Variants in LRP12 observed in about 807,000 individuals in gnomAD.
LRP12 encodes the protein LDL receptor related protein 12.
Under a neutral mutation model 66.0 loss-of-function variants are expected in LRP12, and 14 were observed. The observed-to-expected ratio is 0.21, with a 90% CI of 0.14 to 0.33. The LOEUF (loss-of-function observed/expected upper bound fraction) is 0.33, where lower values mean the gene tolerates loss of function less well. Among genes scored for constraint, LRP12 ranks in the 10% least tolerant of loss-of-function variants. The pLI is 1.00. For synonymous variants in LRP12, 357 were observed against 359.1 expected, an observed-to-expected ratio of 0.99 and a Z score of 0.07; for missense variants, 889 against 1,053.4, an observed-to-expected ratio of 0.84 and a Z score of 2.16.
In LRP12 at chr8:104,489,490, AT is replaced by A. The variant is rs1327311993; in HGVS notation, c.*1182del. ...TAAACCGCAACTGACAGTAAAAAAAATATGTTGGGTTTTGCAATTCACACTA... is the reference window on the plus strand; with the variant it reads ...TAAACCGCAACTGACAGTAAAAAAAAATGTTGGGTTTTGCAATTCACACTA... On this transcript the variant is annotated 3_prime_UTR_variant, in exon 7 of 7. Transcript: ENST00000276654. 3 of 152,568 alleles carry A rather than the reference AT, an allele frequency of 2.0e-5. No homozygotes were observed. The highest frequency in any genetic ancestry group is 4.4e-5 in the Non-Finnish European group (3 of 67,996). 9.5% of individuals were successfully genotyped at this position (152,568 alleles called of 1,614,324 possible).
chr8:104,549,425 C>CA (rs1811692454), intron 1 of LRP12, among the ~76,000 whole-genome samples: 1 of 106,020 alleles, frequency 9.4e-6, no homozygotes, highest in African/African-American at 4.0e-5. Flanking sequence ...TTTTTTGAGA[C>CA]AGAGTCTTGC....
chr8:104,514,133 G>A (rs1160962165), intron 2 of LRP12, among the ~76,000 whole-genome samples: 1 of 152,068 alleles, frequency 6.6e-6, no homozygotes, highest in African/African-American at 2.4e-5. Flanking sequence ...GTCAGAAATT[G>A]AGCCTGCCTT....
In LRP12 at chr8:104,580,366, A is replaced by T. The variant is rs892156509; in HGVS notation, c.79+8453T>A. ...CCTGTCTCTACTAAAAATAAAAAAA[A>T]AAAAAAAAAAAAAATTAGCCGGGCA... On this transcript the variant is annotated intron_variant, in intron 1 of 6. Coordinates refer to ENST00000276654, the MANE Select transcript of LRP12 (RefSeq NM_013437.5). Among the ~76,000 whole-genome samples, 93 of 151,170 alleles carry T rather than the reference A, an allele frequency of 6.2e-4. 1 individual carries two copies. The East Asian group carries it at 0.015, about 25-fold the overall frequency.
intron 2 of LRP12, among the ~76,000 whole-genome samples, chr8:104,518,432 A>G (rs1416259650): frequency 6.6e-6 from 1 of 152,050 alleles, no homozygotes; most frequent in Non-Finnish European, 1.5e-5. Flanking sequence ...CTTAACCACT[A>G]AGGCAAACTG....
At chr8:104,558,601 T>C (rs921777799) in intron 1 of LRP12, among the ~76,000 whole-genome samples, 1 of 151,650 alleles carries the variant, frequency 6.6e-6, no homozygotes, top group African/African-American at 2.4e-5. Flanking sequence ...CAAAGACAAA[T>C]AGATGGGACT....
intron 1 of LRP12, among the ~76,000 whole-genome samples, chr8:104,533,155 C>T (rs1399995685): frequency 1.3e-5 from 2 of 151,948 alleles, no homozygotes; most frequent in African/African-American, 4.8e-5. Context: ...GTGGGAAGGC[C>T]ATATTAAGTA....
chr8:104,579,694 A>T (rs1588511916), intron 1 of LRP12, among the ~76,000 whole-genome samples: 1 of 152,364 alleles, frequency 6.6e-6, no homozygotes, highest in South Asian at 2.1e-4. Flanking sequence ...ACAGGTCTAC[A>T]GTAACCAAAA....
At position 104,589,106 on chromosome 8, in the gene LRP12, T is replaced by C; in HGVS notation, c.-209A>G. 5.1e-6 allele frequency: 1 copy of C among 197,728 alleles called. No individual in the cohort carries two copies. The highest frequency in any genetic ancestry group is 9.9e-6 in the Non-Finnish European group (1 of 101,008). 12.2% of individuals were successfully genotyped at this position (197,728 alleles called of 1,614,324 possible). Reference sequence around the variant, plus strand: ...TCCCTCCTCCCTCCGGCTCGCCTGCTCCCACCCCGGGCGGTGCGAGAGCCC... The same window carrying C: ...TCCCTCCTCCCTCCGGCTCGCCTGCCCCCACCCCGGGCGGTGCGAGAGCCC... On this transcript the variant is annotated 5_prime_UTR_variant, in exon 1 of 7. Transcript: ENST00000276654.
chr8:104,521,167 T>A (rs183860016), intron 2 of LRP12, among the ~76,000 whole-genome samples: 1 of 152,100 alleles, frequency 6.6e-6, no homozygotes, highest in Admixed American at 6.6e-5. Flanking sequence ...TACAGATATA[T>A]ACTTACTAGT....
intron 4 of LRP12, among the ~76,000 whole-genome samples, chr8:104,498,823 G>C (rs749662892): frequency 6.6e-6 from 1 of 152,118 alleles, no homozygotes; most frequent in Non-Finnish European, 1.5e-5. Flanking sequence ...CTTGCATTTT[G>C]ATCTAAAAGA....
intron 1 of LRP12, among the ~76,000 whole-genome samples, chr8:104,541,051 C>T (rs561528451): frequency 6.6e-6 from 1 of 152,182 alleles, no homozygotes; most frequent in South Asian, 2.1e-4. Context: ...TCTTAATGGA[C>T]CTTTGGGAGT....
intron 1 of LRP12, among the ~76,000 whole-genome samples, chr8:104,570,031 A>G (rs976173550): frequency 6.6e-6 from 1 of 152,154 alleles, no homozygotes; most frequent in Non-Finnish European, 1.5e-5. Context: ...TTTAAAAGCA[A>G]TATTATTTCC....
chr8:104,536,771 G>C (rs974238514), intron 1 of LRP12, among the ~76,000 whole-genome samples: 18 of 152,054 alleles, frequency 1.2e-4, no homozygotes, highest in Admixed American at 1.2e-3. Context: ...AAGTAAAACT[G>C]TGTCCATGTG....
chr8:104,560,634 T>C (rs1164567342), intron 1 of LRP12, among the ~76,000 whole-genome samples: 1 of 152,178 alleles, frequency 6.6e-6, no homozygotes, highest in East Asian at 1.9e-4. Context: ...CACATATCAT[T>C]TTACCTCCAT....
intron 1 of LRP12, among the ~76,000 whole-genome samples, chr8:104,570,178 ACT>A (rs1393608021): frequency 2.0e-5 from 3 of 152,166 alleles, no homozygotes; most frequent in Non-Finnish European, 2.9e-5. Flanking sequence ...GGATTAGAAA[ACT>A]CAACATAGTA....
intron 1 of LRP12, among the ~76,000 whole-genome samples, chr8:104,536,736 T>C (rs1588495998): frequency 6.6e-6 from 1 of 151,986 alleles, no homozygotes; most frequent in East Asian, 1.9e-4. Flanking sequence ...GACAGTGCGA[T>C]TAGACAAGAA....
intron 1 of LRP12, among the ~76,000 whole-genome samples, chr8:104,548,604 A>ATATAATTAAATTAATTATATAATTATTT (rs1811673950): frequency 8.8e-6 from 1 of 113,954 alleles, no homozygotes. Context: ...ATATAGAATT[A>ATATAATTAAATTAATTATATAATTATTT]TATAATTAAA....
At chr8:104,537,677 C>A (rs190666917) in intron 1 of LRP12, among the ~76,000 whole-genome samples, 23 of 152,220 alleles carry the variant, frequency 1.5e-4, no homozygotes, top group Admixed American at 4.6e-4. Context: ...TAAAATAGTA[C>A]AACCACTTTG....
At chr8:104,526,350 C>T (rs80091341) in intron 2 of LRP12, among the ~76,000 whole-genome samples, 36,557 of 151,642 alleles carry the variant, frequency 0.24, 4,476 homozygotes, top group Middle Eastern at 0.3. Context: ...TCATATGGAA[C>T]CAAAAAAGAG....
Sources: gnomAD v4.1 joint callset for allele counts (sites outside exome capture counted in the v4.1 genomes callset) on GRCh38, gnomAD v4.1.1 for gene constraint, MANE v1.5 for transcripts, NCBI Gene and HGNC (gene_info 2026-07-23, HGNC 2026-07-21) for gene names.